Variants in DGKB observed in about 807,000 individuals in gnomAD.
The protein encoded by DGKB is diacylglycerol kinase beta.
In DGKB, 67 loss-of-function variants were observed where a neutral mutation model predicts 114.3. The observed-to-expected ratio is 0.59, with a 90% CI of 0.48 to 0.72. DGKB has a LOEUF of 0.72. Ranked by LOEUF, DGKB falls within the 30% of genes least tolerant of loss-of-function variation. DGKB has a pLI of 0.00. For synonymous variants in DGKB, 398 were observed against 323.1 expected (o/e 1.23, Z -2.49); for missense variants, 907 against 975.2 (o/e 0.93, Z 0.93).
At chr7:14,439,255 T>A (rs1583947892) in intron 21 of DGKB, among the ~76,000 whole-genome samples, 1 of 152,272 alleles carries the variant, frequency 6.6e-6, no homozygotes, top group East Asian at 1.9e-4. Context: ...GAGAAGAAAA[T>A]GTATCTTCTC....
At chr7:14,711,294 C>T (rs1827314798) in intron 6 of DGKB, among the ~76,000 whole-genome samples, 1 of 152,000 alleles carries the variant, frequency 6.6e-6, no homozygotes, top group South Asian at 2.1e-4. Context: ...AAATATCATA[C>T]ATATATTGAG....
At chr7:14,638,801 G>A (rs1811206904) in intron 13 of DGKB, among the ~76,000 whole-genome samples, 1 of 152,116 alleles carries the variant, frequency 6.6e-6, no homozygotes, top group South Asian at 2.1e-4. Context: ...TGGCACTTTG[G>A]GAGGCTGAGG....
At chr7:14,418,390 T>TAC in intron 21 of DGKB, among the ~76,000 whole-genome samples, 1 of 71,530 alleles carries the variant, frequency 1.4e-5, no homozygotes, top group East Asian at 7.1e-4. Flanking sequence ...TATATATATA[T>TAC]ATACACACAC....
intron 21 of DGKB, among the ~76,000 whole-genome samples, chr7:14,388,118 C>G (rs563810871): frequency 2.0e-3 from 296 of 151,222 alleles, no homozygotes; most frequent in Admixed American, 3.7e-3. Flanking sequence ...ACCTTGTGAT[C>G]CACTCGCCTT....
At chr7:14,945,912 T>G (rs1785847787) in intron 1 of DGKB, among the ~76,000 whole-genome samples, 1 of 151,638 alleles carries the variant, frequency 6.6e-6, no homozygotes, top group Non-Finnish European at 1.5e-5. Flanking sequence ...TCCTGAAGTT[T>G]TCTACATCTA....
intron 25 of DGKB, among the ~76,000 whole-genome samples, chr7:14,163,570 G>C (rs1159148674): frequency 6.6e-6 from 1 of 152,054 alleles, no homozygotes; most frequent in East Asian, 1.9e-4. Context: ...ATTGCTTTTG[G>C]AGTCTCACTA....
chr7:14,942,888 T>G (rs1389930839), intron 1 of DGKB, among the ~76,000 whole-genome samples: 1 of 152,092 alleles, frequency 6.6e-6, no homozygotes, highest in Non-Finnish European at 1.5e-5. Flanking sequence ...TAGCACTTAC[T>G]TAATTTGTCT....
chr7:14,866,787 C>A (rs1344398628), intron 1 of DGKB, among the ~76,000 whole-genome samples: 1 of 152,110 alleles, frequency 6.6e-6, no homozygotes, highest in Non-Finnish European at 1.5e-5. Context: ...GAATATGATT[C>A]ATTTCGTAGA....
At position 14,765,674 on chromosome 7, in the gene DGKB, C is replaced by T. The variant is rs73064764; in HGVS notation, c.71-7943G>A. On this transcript the variant is annotated intron_variant, in intron 2 of 25. Transcript: ENST00000402815. ...AGCAACCCTATCCAGACACTAGGAA[C>T]CTATGAAATAATTTCCACCTTTATA... Among the ~76,000 whole-genome samples, 271 of 151,992 alleles carry T rather than the reference C, an allele frequency of 1.8e-3. 1 individual carries two copies. The Middle Eastern group carries it at 0.027, about 15-fold the overall frequency.
chr7:14,817,884 G>A (rs949727687), intron 2 of DGKB, among the ~76,000 whole-genome samples: 3 of 151,768 alleles, frequency 2.0e-5, no homozygotes, highest in Admixed American at 1.3e-4. Context: ...TGTGCATATA[G>A]AAGCACACAA....
chr7:14,737,375 C>T (rs1209980957), intron 4 of DGKB, among the ~76,000 whole-genome samples: 2 of 133,466 alleles, frequency 1.5e-5, no homozygotes, highest in Non-Finnish European at 3.1e-5. Context: ...TAGTTTTGTT[C>T]ACATTGCTGG....
intron 25 of DGKB, among the ~76,000 whole-genome samples, chr7:14,166,960 A>G (rs1784695628): frequency 6.6e-6 from 1 of 152,134 alleles, no homozygotes; most frequent in Non-Finnish European, 1.5e-5. Context: ...AGGTAATCCT[A>G]CCACTTTGGG....
chr7:14,827,677 G>T (rs1031622873), intron 2 of DGKB, among the ~76,000 whole-genome samples: 1 of 152,122 alleles, frequency 6.6e-6, no homozygotes, highest in Non-Finnish European at 1.5e-5. Flanking sequence ...GTTTATTTTT[G>T]AAATGTGGAG....
chr7:14,234,210 T>C (rs571064413), intron 23 of DGKB, among the ~76,000 whole-genome samples: 1 of 152,126 alleles, frequency 6.6e-6, no homozygotes, highest in South Asian at 2.1e-4. Flanking sequence ...AATCCTCTCC[T>C]CCGTCTCACA....
intron 21 of DGKB, among the ~76,000 whole-genome samples, chr7:14,417,483 T>A (rs150791615): frequency 0.013 from 2,050 of 152,112 alleles, 22 homozygotes; most frequent in Non-Finnish European, 0.018. Context: ...AAATTTGAGA[T>A]ATACTTTATG....
chr7:14,936,620 G>T lies in DGKB; in HGVS notation c.-188+38076C>A, dbSNP rs538540014. 1.4e-4 allele frequency among the ~76,000 whole-genome samples: 21 copies of T among 152,262 alleles called. No individual in the cohort carries two copies. The South Asian group carries it at 2.3e-3, about 17-fold the overall frequency. ...GGAAAAAGACTTAGGAATGGAGGTG[G>T]TCATAGCTCAGGATTGCAGGGAAAC... On this transcript the variant is annotated intron_variant, in intron 1 of 4. Coordinates refer to the DGKB transcript ENST00000437998.
At chr7:14,312,206 G>C (rs537043834) in intron 23 of DGKB, among the ~76,000 whole-genome samples, 1 of 152,294 alleles carries the variant, frequency 6.6e-6, no homozygotes, top group Admixed American at 6.5e-5. Flanking sequence ...TTATAATGCA[G>C]TATAGAGACC....
chr7:14,662,569 T>C (rs187315079), intron 13 of DGKB, among the ~76,000 whole-genome samples: 2 of 151,942 alleles, frequency 1.3e-5, no homozygotes, highest in East Asian at 3.9e-4. Flanking sequence ...AAATGAGGAA[T>C]TGAAAAGATG....
At position 14,651,006 on chromosome 7, in the gene DGKB, T is replaced by C. The variant is rs1361804209; in HGVS notation, c.1135-20738A>G. 2.7e-5 allele frequency among the ~76,000 whole-genome samples: 4 copies of C among 150,700 alleles called. No individual in the cohort carries two copies. In the East Asian group the frequency reaches 7.7e-4, roughly 29 times the overall value. ...GAGCTGAAACTGTGGCAATAATCAA[T>C]AGCTTACCAACCAAAAAGAGTCCAG... is the stretch of plus-strand genomic sequence containing the variant. On this transcript the variant is annotated intron_variant, in intron 13 of 25. Transcript: ENST00000402815.
Sources: gnomAD v4.1 joint callset for allele counts (sites outside exome capture counted in the v4.1 genomes callset) on GRCh38, gnomAD v4.1.1 for gene constraint, MANE v1.5 for transcripts, NCBI Gene and HGNC (gene_info 2026-07-23, HGNC 2026-07-21) for gene names.